Variants in ZNF680 observed in about 807,000 individuals in gnomAD.
The protein encoded by ZNF680 is hypothetical protein FLJ90430.
ZNF680 carries 6 observed loss-of-function variants against 12.1 expected under a neutral mutation model. The observed-to-expected ratio is 0.49, with a 90% confidence interval of 0.27 to 0.98. The LOEUF (loss-of-function observed/expected upper bound fraction) is 0.98. Ranked by LOEUF, ZNF680 falls within the 50% of genes least tolerant of loss-of-function variation. The pLI, the probability that ZNF680 is intolerant of heterozygous loss-of-function variation, is 0.12. For synonymous variants in ZNF680, 170 were observed against 199.3 expected (o/e 0.85, Z 1.24); for missense variants, 561 against 616.3 (o/e 0.91, Z 0.95).
intron 1 of ZNF680, among the ~76,000 whole-genome samples, chr7:64,555,880 T>G (rs1199775609): frequency 6.6e-6 from 1 of 152,018 alleles, no homozygotes; most frequent in Non-Finnish European, 1.5e-5. Context: ...AACACTTCTA[T>G]GCACATGAAC....
intron 3 of ZNF680, among the ~76,000 whole-genome samples, chr7:64,535,797 A>G (rs112666744): frequency 0.025 from 3,876 of 152,164 alleles, 101 homozygotes; most frequent in African/African-American, 0.055. Flanking sequence ...TACAAAAAGT[A>G]GCCAGGCATC....
At chr7:64,539,961 C>T (rs945029340) in intron 3 of ZNF680, among the ~76,000 whole-genome samples, 22 of 152,118 alleles carry the variant, frequency 1.4e-4, no homozygotes, top group African/African-American at 5.1e-4. Flanking sequence ...CTGAAATGTA[C>T]ACTTCAATGA....
intron 1 of ZNF680, among the ~76,000 whole-genome samples, chr7:64,553,350 AAAAG>A (rs1787187315): frequency 1.3e-5 from 2 of 152,118 alleles, no homozygotes. Flanking sequence ...ATGCTTTAAG[AAAAG>A]AGAGATGAGG....
At chr7:64,514,903 C>T (rs1328402515), downstream of ZNF680, among the ~76,000 whole-genome samples, 2 of 152,004 alleles carry the variant, frequency 1.3e-5, no homozygotes, top group Non-Finnish European at 2.9e-5. Flanking sequence ...ATTAGCCGGG[C>T]GTGGTCGCGC....
At chr7:64,546,256 A>G (rs1191663392) in intron 1 of ZNF680, among the ~76,000 whole-genome samples, 1 of 152,222 alleles carries the variant, frequency 6.6e-6, no homozygotes, top group African/African-American at 2.4e-5. Flanking sequence ...ATTCCTTCTC[A>G]GATGAGATTC....
At chr7:64,537,486 T>A (rs1205056838) in intron 3 of ZNF680, among the ~76,000 whole-genome samples, 2 of 152,028 alleles carry the variant, frequency 1.3e-5, no homozygotes, top group East Asian at 3.9e-4. Context: ...TTTACAGAAA[T>A]GTTTAAAATT....
chr7:64,504,845 A>G, the ZNF680 span, among the ~76,000 whole-genome samples: 1 of 152,196 alleles, frequency 6.6e-6, no homozygotes, highest in South Asian at 2.1e-4. Flanking sequence ...AGCTAATGGC[A>G]TCTTTTACCC....
intron 3 of ZNF680, chr7:64,526,011 T>C (rs17138865): frequency 0.011 from 10,357 of 984,094 alleles, 167 homozygotes; most frequent in African/African-American, 0.056. Flanking sequence ...AGTTAAATAC[T>C]GGCATACTCA....
chr7:64,501,240 A>T, the ZNF680 span: 4 of 888,166 alleles, frequency 4.5e-6, no homozygotes, highest in African/African-American at 6.6e-5. Context: ...ACAGTTGCCC[A>T]GCACATTTTC....
intron 3 of ZNF680, among the ~76,000 whole-genome samples, chr7:64,530,862 A>G (rs966604965): frequency 1.3e-5 from 2 of 149,412 alleles, no homozygotes; most frequent in Non-Finnish European, 3.0e-5. Flanking sequence ...CATCTCAAAA[A>G]AAAAAATTTA....
chr7:64,537,470 GT>G (rs959339407), intron 3 of ZNF680, among the ~76,000 whole-genome samples: 1 of 151,710 alleles, frequency 6.6e-6, no homozygotes, highest in African/African-American at 2.4e-5. Context: ...CAATAGCACA[GT>G]TTTTTTTACA....
chr7:64,531,895 G>GA (rs895035350), intron 3 of ZNF680, among the ~76,000 whole-genome samples: 3 of 151,426 alleles, frequency 2.0e-5, no homozygotes, highest in African/African-American at 7.3e-5. Context: ...AGAGAAACAA[G>GA]AAAAAAACAA....
chr7:64,543,936 T>G, intron 2 of ZNF680, 134 bp from the exon 3 acceptor site: 1 of 761,134 alleles, frequency 1.3e-6, no homozygotes, highest in Non-Finnish European at 2.0e-6. Context: ...ATAACAGACA[T>G]TTCTAAATAT....
rs781139426 is a variant in ZNF680, at chr7:64,543,663, T to C, written c.253+44A>G. The C allele has an allele frequency of 6.6e-6, 10 of 1,505,650 alleles. No individual in the cohort carries two copies. In the South Asian group the frequency reaches 1.2e-4, roughly 17 times the overall value. The allele number at this position is 1,505,650 out of a possible 1,614,324, so 93.3% of individuals were successfully genotyped here. On this transcript the variant is annotated intron_variant, in intron 3 of 3. Transcript: ENST00000309683. ...TGACTTTCTCTTTGACATCTGGACCTCTCATCTGTGTCATCTGTTGTATTC... is the reference window on the plus strand; with the variant it reads ...TGACTTTCTCTTTGACATCTGGACCCCTCATCTGTGTCATCTGTTGTATTC...
chr7:64,521,113 T>A lies in ZNF680; in HGVS notation c.*48A>T, dbSNP rs753992663. 3 of 1,523,240 alleles carry A rather than the reference T, an allele frequency of 2.0e-6. No individual in the cohort carries two copies. The highest frequency in any genetic ancestry group is 2.6e-6 in the Non-Finnish European group (3 of 1,133,388). The allele number at this position is 1,523,240 out of a possible 1,614,324, so 94.4% of individuals were successfully genotyped here. ...GGAAGGCTTTGTCAAATTCTTCACA[T>A]TTTTAGGGTTTCTCAACAGGATGGT... On this transcript the variant is annotated 3_prime_UTR_variant, in exon 4 of 4. Transcript: ENST00000309683.
At position 64,521,828 on chromosome 7, in the gene ZNF680, AG is replaced by A. The variant is rs1237709168; in HGVS notation, c.925del (p.Thr310LeufsTer88). The A allele has an allele frequency of 6.2e-7, 1 of 1,613,410 alleles. No homozygotes were observed. The highest frequency in any genetic ancestry group is 1.1e-5 in the South Asian group (1 of 91,038). On this transcript the variant is annotated frameshift_variant, in exon 4 of 4. Coordinates refer to ENST00000309683, the MANE Select transcript of ZNF680 (RefSeq NM_178558.5). LOFTEE classifies it low-confidence loss of function (END_TRUNC). ...CHKAFNWFAT[L>X]TNHKRIHTGE... ...AGTATGAATTCTCTTATGGTTAGTAAGGGTTGCAAACCAGTTAAAGGCTTTG... is the reference window on the plus strand; with the variant it reads ...AGTATGAATTCTCTTATGGTTAGTAAGGTTGCAAACCAGTTAAAGGCTTTG...
the ZNF680 span, among the ~76,000 whole-genome samples, chr7:64,514,271 T>C: frequency 3.3e-5 from 5 of 152,192 alleles, no homozygotes; most frequent in African/African-American, 1.2e-4. Context: ...TTAGTAAGTA[T>C]CATTAACATA....
intron 3 of ZNF680, among the ~76,000 whole-genome samples, chr7:64,535,728 G>A (rs1786131080): frequency 6.6e-6 from 1 of 151,978 alleles, no homozygotes; most frequent in Non-Finnish European, 1.5e-5. Flanking sequence ...TGAATCACTT[G>A]AGGTCAGGAG....
intron 3 of ZNF680, among the ~76,000 whole-genome samples, chr7:64,523,368 A>G (rs949707391): frequency 3.9e-5 from 6 of 152,060 alleles, no homozygotes; most frequent in Admixed American, 1.3e-4. Flanking sequence ...AAGGTACCAC[A>G]AAGAAAGTAT....
Sources: allele counts gnomAD v4.1 joint callset (sites outside exome capture counted in the v4.1 genomes callset), GRCh38; gene constraint gnomAD v4.1.1; transcripts MANE v1.5; gene names NCBI Gene and HGNC (gene_info 2026-07-23, HGNC 2026-07-21).